Variants in ASCC3 observed in about 807,000 individuals in gnomAD.
ASCC3 encodes activating signal cointegrator 1 complex subunit 3.
Under a neutral mutation model 256.3 loss-of-function variants are expected in ASCC3, and 158 were observed. The ratio of observed to expected loss-of-function variants is 0.62; its 90% CI spans 0.54 to 0.70. The LOEUF (loss-of-function observed/expected upper bound fraction) is 0.70. Ranked by LOEUF, ASCC3 falls within the 30% of genes least tolerant of loss-of-function variation. The pLI is 0.00. For missense variants in ASCC3, 2,259 were observed against 2,626.0 expected, an observed-to-expected ratio of 0.86 and a Z score of 3.05; for synonymous variants, 948 against 883.4, an observed-to-expected ratio of 1.07 and a Z score of -1.30.
chr6:100,784,281 A>G (rs1782589233), intron 8 of ASCC3, among the ~76,000 whole-genome samples: 1 of 152,164 alleles, frequency 6.6e-6, no homozygotes, highest in Admixed American at 6.5e-5. Flanking sequence ...TTGAAGATTT[A>G]TTAAAAATTT....
At chr6:100,562,551 A>G (rs1223826176) in intron 36 of ASCC3, among the ~76,000 whole-genome samples, 1 of 152,116 alleles carries the variant, frequency 6.6e-6, no homozygotes, top group Non-Finnish European at 1.5e-5. Context: ...AGGTCTGTAT[A>G]AAAACAAACA....
intron 13 of ASCC3, among the ~76,000 whole-genome samples, chr6:100,700,802 A>T (rs973378375): frequency 1.3e-5 from 2 of 152,176 alleles, no homozygotes; most frequent in Non-Finnish European, 2.9e-5. Flanking sequence ...TATTTATCCA[A>T]TGCCTGTACC....
intron 37 of ASCC3, among the ~76,000 whole-genome samples, chr6:100,532,940 A>G (rs1034955408): frequency 2.6e-5 from 4 of 152,150 alleles, no homozygotes; most frequent in East Asian, 3.8e-4. Flanking sequence ...AATATAAAGG[A>G]GAATTTCAAT....
chr6:100,838,003 C>G (rs1454682391), intron 4 of ASCC3, among the ~76,000 whole-genome samples: 1 of 151,778 alleles, frequency 6.6e-6, no homozygotes, highest in African/African-American at 2.4e-5. Context: ...CATAAAGAGG[C>G]ATAATTATGT....
rs988552990 is a variant in ASCC3 at position 100,607,941 on chromosome 6, C to CT, written c.4786-854dup. On this transcript the variant is annotated intron_variant, in intron 30 of 41. Transcript: ENST00000369162. ...TAATTTTTTAAGTCGATGTGATAGC[C>CT]TTTTTTTTTCTAATTGGCTTGTGAT... 4.1e-5 allele frequency among the ~76,000 whole-genome samples: 6 copies of CT among 144,590 alleles called. No individual in the cohort carries two copies. In the South Asian group the frequency reaches 6.5e-4, roughly 16 times the overall value. 94.9% of individuals were successfully genotyped at this position (144,590 alleles called of 152,430 possible).
chr6:100,593,896 C>T (rs1366083372), intron 34 of ASCC3, among the ~76,000 whole-genome samples: 1 of 152,014 alleles, frequency 6.6e-6, no homozygotes. Context: ...TTTATGAAAG[C>T]ACCAGTACAT....
At chr6:100,774,333 ACATGTCATGACACGTG>A (rs1434211044) in intron 8 of ASCC3, among the ~76,000 whole-genome samples, 22 of 151,970 alleles carry the variant, frequency 1.4e-4, no homozygotes, top group African/African-American at 5.1e-4. Flanking sequence ...CATGACACGT[ACATGTCATGACACGTG>A]CATGTCACCA....
At chr6:100,512,498 T>C (rs1057099463) in intron 40 of ASCC3, among the ~76,000 whole-genome samples, 5 of 152,210 alleles carry the variant, frequency 3.3e-5, no homozygotes, top group African/African-American at 1.2e-4. Context: ...CTAGGCAATA[T>C]ATTCTTATGT....
chr6:100,788,937 A>G (rs904148261), intron 8 of ASCC3, among the ~76,000 whole-genome samples: 9 of 151,950 alleles, frequency 5.9e-5, no homozygotes, highest in African/African-American at 2.2e-4. Flanking sequence ...TGATATTTAC[A>G]TGTTTTTGTT....
At chr6:100,767,507 T>A (rs1382530230) in intron 8 of ASCC3, among the ~76,000 whole-genome samples, 162 bp from the exon 9 acceptor site, 1 of 152,226 alleles carries the variant, frequency 6.6e-6, no homozygotes, top group African/African-American at 2.4e-5. Context: ...CAGTTGAGAA[T>A]AACTGAAAAA....
Position 100,766,558 on chromosome 6 carries a change from A to G in ASCC3, c.1737+7T>C. ...TATTAAACAAAAAATCTAGGTAAACAACATACCTGAGTTCGTAAAATTTCA... is the reference window on the plus strand; with the variant it reads ...TATTAAACAAAAAATCTAGGTAAACGACATACCTGAGTTCGTAAAATTTCA... On this transcript the variant is annotated splice_region_variant and intron_variant, in intron 10 of 41. Transcript: ENST00000369162. 1 of 1,613,890 alleles carries G rather than the reference A, an allele frequency of 6.2e-7. No homozygotes were observed. Among genetic ancestry groups the G allele is most frequent in the East Asian group, 2.2e-5 (1 of 44,850 alleles).
chr6:100,645,109 T>A (rs1775315260), intron 22 of ASCC3, among the ~76,000 whole-genome samples: 1 of 152,210 alleles, frequency 6.6e-6, no homozygotes, highest in African/African-American at 2.4e-5. Flanking sequence ...TGGTAACTAT[T>A]AAAATCATTA....
At chr6:100,585,578 A>C (rs1022977255) in intron 36 of ASCC3, among the ~76,000 whole-genome samples, 4 of 152,070 alleles carry the variant, frequency 2.6e-5, no homozygotes, top group Non-Finnish European at 5.9e-5. Context: ...CTTCTCTCAA[A>C]TCATCAAAGT....
Position 100,631,165 on chromosome 6 carries a change from C to T in ASCC3, c.4171G>A (p.Asp1391Asn). The change falls in exon 26 of 42, where the codon GAT (aspartate) becomes AAT (asparagine). Residue 1391 changes from aspartate to asparagine, a missense_variant. Transcript: ENST00000369162. ...LKALVRERMD[D>N]WKVRIEEKLG... ...TTTTCTTCTATTCTAACTTTCCAAT[C>T]ATCCATTCTTTCACGTACTAGGGCT... 1 of 1,612,578 alleles carries T rather than the reference C, an allele frequency of 6.2e-7. No individual in the cohort carries two copies. Among genetic ancestry groups the T allele is most frequent in the Non-Finnish European group, 8.5e-7 (1 of 1,179,088 alleles).
chr6:100,516,028 A>AT, intron 39 of ASCC3, 152 bp downstream of exon 39: 2 of 953,982 alleles, frequency 2.1e-6, no homozygotes, highest in Non-Finnish European at 3.3e-6. Context: ...TGAGACATCT[A>AT]TGTTTTCATG....
chr6:100,797,317 G>A (rs1004174681), intron 8 of ASCC3, among the ~76,000 whole-genome samples: 4 of 151,866 alleles, frequency 2.6e-5, no homozygotes, highest in Non-Finnish European at 4.4e-5. Context: ...GGGCACAGTG[G>A]TGCATGCCTG....
At chr6:100,834,767 A>G (rs1156230957) in intron 4 of ASCC3, among the ~76,000 whole-genome samples, 4 of 152,320 alleles carry the variant, frequency 2.6e-5, no homozygotes, top group Admixed American at 2.6e-4. Flanking sequence ...CAACTTAGCA[A>G]TAGAAAGTCT....
At chr6:100,523,090 G>C (rs62420453) in intron 37 of ASCC3, among the ~76,000 whole-genome samples, 12,620 of 150,804 alleles carry the variant, frequency 0.084, 748 homozygotes, top group Non-Finnish European at 0.12. Flanking sequence ...TCAGTAGTAT[G>C]ATTCACGAAT....
At chr6:100,754,941 C>T (rs1306965635) in intron 10 of ASCC3, among the ~76,000 whole-genome samples, 4 of 152,112 alleles carry the variant, frequency 2.6e-5, no homozygotes, top group African/African-American at 4.8e-5. Flanking sequence ...TTTGCTCCTC[C>T]TTCATCTTCC....
Sources: gnomAD v4.1 joint callset for allele counts (sites outside exome capture counted in the v4.1 genomes callset) on GRCh38, gnomAD v4.1.1 for gene constraint, MANE v1.5 for transcripts, NCBI Gene and HGNC (gene_info 2026-07-23, HGNC 2026-07-21) for gene names.